ROR2: variants seen among roughly 807,000 people sequenced by gnomAD.
The protein encoded by ROR2 is ROR family WNT receptor 2.
A neutral mutation model predicts 74.9 loss-of-function variants in ROR2; 33 were observed. The ratio of observed to expected loss-of-function variants is 0.44; its 90% CI spans 0.33 to 0.59. ROR2 has a LOEUF of 0.59. Among genes scored for constraint, ROR2 ranks in the 20% least tolerant of loss-of-function variants. The pLI, the probability that ROR2 is intolerant of heterozygous loss-of-function variation, is 0.02. For missense variants in ROR2, 1,216 were observed against 1,313.8 expected (o/e 0.93, Z 1.15); for synonymous variants, 586 against 558.7 (o/e 1.05, Z -0.69).
chr9:91,906,971 T>C (rs1307099234), intron 1 of ROR2, among the ~76,000 whole-genome samples: 1 of 152,190 alleles, frequency 6.6e-6, no homozygotes, highest in Non-Finnish European at 1.5e-5. Context: ...ATTCACTGTG[T>C]TGTGCAGGAT....
chr9:91,941,243 C>T (rs1365365281), intron 1 of ROR2, among the ~76,000 whole-genome samples: 3 of 149,942 alleles, frequency 2.0e-5, no homozygotes, highest in Non-Finnish European at 4.5e-5. Flanking sequence ...GTGATCCCCC[C>T]GCCTCAGCCT....
At chr9:91,915,122 A>C (rs1156873289) in intron 1 of ROR2, among the ~76,000 whole-genome samples, 2 of 152,108 alleles carry the variant, frequency 1.3e-5, no homozygotes, top group African/African-American at 4.8e-5. Flanking sequence ...TGGTTGCTGA[A>C]GTCTCAACCC....
chr9:91,889,348 C>T (rs1830367205), intron 1 of ROR2, among the ~76,000 whole-genome samples: 1 of 152,244 alleles, frequency 6.6e-6, no homozygotes, highest in Non-Finnish European at 1.5e-5. Flanking sequence ...CTCAGGTGGA[C>T]ACACTGTGAA....
chr9:91,733,406 T>C lies in ROR2; in HGVS notation c.653A>G (p.His218Arg), dbSNP rs531407826. 6.2e-7 allele frequency: 1 copy of C among 1,611,496 alleles called. No individual in the cohort carries two copies. The highest frequency in any genetic ancestry group is 2.2e-5 in the East Asian group (1 of 44,836). ...GAACTGTGAGCACTGGTCCGACAGG[T>C]GCGTAGACGTGCCGATCATGGTGAA... Reference protein sequence around the residue: ...AAFTMIGTSTHLSDQCSQFAI... With the variant: ...AAFTMIGTSTRLSDQCSQFAI... Residue 218 changes from histidine to arginine, a missense_variant, in exon 6 of 9, where the codon CAC becomes CGC. Transcript: ENST00000375708. This position sits in a 1 kb window ranked among gnomAD's most constrained non-coding sequence, Gnocchi z 5.7.
chr9:91,773,434 C>T (rs570775293), intron 2 of ROR2, among the ~76,000 whole-genome samples: 97 of 152,244 alleles, frequency 6.4e-4, no homozygotes, highest in African/African-American at 2.0e-3. Flanking sequence ...CCTCAACAAC[C>T]GACAATCAAA....
chr9:91,800,975 G>A (rs1229746852), intron 1 of ROR2, among the ~76,000 whole-genome samples: 1 of 152,200 alleles, frequency 6.6e-6, no homozygotes. Context: ...TTGCAGAAAT[G>A]AGGATATGAG....
At chr9:91,818,669 T>C (rs2119135609) in intron 1 of ROR2, among the ~76,000 whole-genome samples, 1 of 152,304 alleles carries the variant, frequency 6.6e-6, no homozygotes, top group East Asian at 1.9e-4. Context: ...CACGCTGGCA[T>C]AGTAAGCCTA....
intron 1 of ROR2, among the ~76,000 whole-genome samples, chr9:91,811,571 T>C (rs1400257916): frequency 1.3e-5 from 2 of 152,200 alleles, no homozygotes; most frequent in Non-Finnish European, 2.9e-5. Context: ...CACCTGCTAG[T>C]GGGCCTTCAT....
chr9:91,836,614 G>A (rs1563990163), intron 1 of ROR2, among the ~76,000 whole-genome samples: 1 of 151,640 alleles, frequency 6.6e-6, no homozygotes, highest in Admixed American at 6.6e-5. Context: ...GGTCTCCTCT[G>A]TCCTCTGGTG....
intron 1 of ROR2, among the ~76,000 whole-genome samples, chr9:91,828,762 A>G (rs893036466): frequency 2.6e-5 from 4 of 152,202 alleles, no homozygotes; most frequent in Admixed American, 1.3e-4. Context: ...TAGTAATTGC[A>G]TCTTCTACAA....
At chr9:91,835,408 A>G (rs1828581830) in intron 1 of ROR2, among the ~76,000 whole-genome samples, 1 of 152,092 alleles carries the variant, frequency 6.6e-6, no homozygotes, top group Non-Finnish European at 1.5e-5. Context: ...CTCTGCACAC[A>G]CACTGCCCCC....
At chr9:91,835,217 A>G (rs1360245173) in intron 1 of ROR2, among the ~76,000 whole-genome samples, 1 of 152,074 alleles carries the variant, frequency 6.6e-6, no homozygotes, top group African/African-American at 2.4e-5. Flanking sequence ...CAGCCAGTTC[A>G]CAGCAGTGCC....
intron 1 of ROR2, among the ~76,000 whole-genome samples, chr9:91,863,794 AG>A (rs1164217804): frequency 6.6e-6 from 1 of 152,080 alleles, no homozygotes; most frequent in Non-Finnish European, 1.5e-5. Context: ...CATGGTTTTC[AG>A]GTGATTATAA....
At chr9:91,868,397 G>GA (rs1290640973) in intron 1 of ROR2, among the ~76,000 whole-genome samples, 1 of 151,920 alleles carries the variant, frequency 6.6e-6, no homozygotes, top group Non-Finnish European at 1.5e-5. Context: ...AGAAGAAGAA[G>GA]AAAAAAAGAG....
intron 1 of ROR2, among the ~76,000 whole-genome samples, chr9:91,939,131 T>TC (rs1006809504): frequency 6.6e-6 from 1 of 151,946 alleles, no homozygotes; most frequent in Non-Finnish European, 1.5e-5. Flanking sequence ...GTGCCTGTAG[T>TC]CCCAGCTACT....
chr9:91,763,911 C>T (rs1825986501), intron 2 of ROR2, among the ~76,000 whole-genome samples: 1 of 152,192 alleles, frequency 6.6e-6, no homozygotes, highest in Non-Finnish European at 1.5e-5. Flanking sequence ...TCCGCAGAGT[C>T]GGCTTCCTGA....
At chr9:91,744,306 A>G (rs1371282969) in intron 4 of ROR2, among the ~76,000 whole-genome samples, 1 of 129,546 alleles carries the variant, frequency 7.7e-6, no homozygotes, top group Admixed American at 1.0e-4. Context: ...GCTCACTGCC[A>G]CCTCCACCTC....
chr9:91,735,337 T>C (rs780899918), intron 5 of ROR2, among the ~76,000 whole-genome samples: 1 of 152,158 alleles, frequency 6.6e-6, no homozygotes, highest in African/African-American at 2.4e-5. Context: ...CAACTTCAAA[T>C]TTACTGTTTT....
At chr9:91,857,304 G>A (rs534535018) in intron 1 of ROR2, among the ~76,000 whole-genome samples, 33 of 152,226 alleles carry the variant, frequency 2.2e-4, no homozygotes, top group African/African-American at 7.7e-4. Context: ...GGAACCACCC[G>A]CAGCCAGGCT....
Sources: allele counts gnomAD v4.1 joint callset (sites outside exome capture counted in the v4.1 genomes callset), GRCh38; gene constraint gnomAD v4.1.1; non-coding constraint Gnocchi (gnomAD v3.1); transcripts MANE v1.5; gene names NCBI Gene and HGNC (gene_info 2026-07-23, HGNC 2026-07-21).